Variants in NELL1 observed in about 807,000 individuals in gnomAD.
NELL1 encodes the protein neural EGFL like 1.
Under a neutral mutation model 107.4 loss-of-function variants are expected in NELL1, and 76 were observed. The ratio of observed to expected loss-of-function variants is 0.71; its 90% CI spans 0.59 to 0.86. NELL1 has a LOEUF of 0.86. NELL1 is among the 40% of genes least tolerant of loss of function. NELL1 has a pLI of 0.00. For synonymous variants in NELL1, 353 were observed against 341.2 expected, an observed-to-expected ratio of 1.03 and a Z score of -0.38; for missense variants, 1,024 against 1,005.5, an observed-to-expected ratio of 1.02 and a Z score of -0.25.
intron 15 of NELL1, among the ~76,000 whole-genome samples, chr11:21,447,492 T>A (rs1336853595): frequency 6.6e-6 from 1 of 152,130 alleles, no homozygotes; most frequent in Non-Finnish European, 1.5e-5. Context: ...CAGCAGGTGA[T>A]GAATAATGCC....
intron 12 of NELL1, among the ~76,000 whole-genome samples, chr11:21,044,461 A>T (rs572853730): frequency 6.6e-6 from 1 of 152,282 alleles, no homozygotes; most frequent in South Asian, 2.1e-4. Context: ...AGAAAAATGG[A>T]TCAGAAAGGG....
At chr11:21,532,208 G>C (rs1229282425) in intron 15 of NELL1, among the ~76,000 whole-genome samples, 1 of 152,120 alleles carries the variant, frequency 6.6e-6, no homozygotes, top group Non-Finnish European at 1.5e-5. Context: ...GGATTCCCTA[G>C]TGTCCCTGGG....
intron 2 of NELL1, among the ~76,000 whole-genome samples, chr11:20,737,809 A>G (rs1475860768): frequency 6.6e-6 from 1 of 151,970 alleles, no homozygotes; most frequent in East Asian, 1.9e-4. Flanking sequence ...TAAATATTCC[A>G]AGTACAAAAA....
chr11:21,502,258 G>T (rs1855162550), intron 15 of NELL1, among the ~76,000 whole-genome samples: 1 of 152,186 alleles, frequency 6.6e-6, no homozygotes, highest in Non-Finnish European at 1.5e-5. Context: ...AGAGACTTCT[G>T]TTGAGTGCCT....
chr11:21,345,197 A>G (rs1463580216), intron 14 of NELL1, among the ~76,000 whole-genome samples: 2 of 152,164 alleles, frequency 1.3e-5, no homozygotes, highest in African/African-American at 2.4e-5. Flanking sequence ...CTCTTCTGCA[A>G]AGGAAGATTT....
chr11:20,952,956 C>A (rs1056456637), intron 11 of NELL1, among the ~76,000 whole-genome samples: 9 of 152,152 alleles, frequency 5.9e-5, no homozygotes, highest in African/African-American at 2.2e-4. Flanking sequence ...TACCTTCTGT[C>A]CACAAAAGCT....
At chr11:21,105,854 T>C (rs1259154916) in intron 12 of NELL1, among the ~76,000 whole-genome samples, 1 of 30,586 alleles carries the variant, frequency 3.3e-5, no homozygotes. Context: ...CCCTTCCCTC[T>C]CTCCCCTCCC....
At chr11:21,380,066 C>T (rs1590883963) in intron 15 of NELL1, among the ~76,000 whole-genome samples, 1 of 152,190 alleles carries the variant, frequency 6.6e-6, no homozygotes, top group Non-Finnish European at 1.5e-5. Context: ...TGCAAAAGTA[C>T]ATCTTTACAT....
At chr11:20,823,970 A>C (rs191722111) in intron 3 of NELL1, among the ~76,000 whole-genome samples, 1 of 151,448 alleles carries the variant, frequency 6.6e-6, no homozygotes, top group Non-Finnish European at 1.5e-5. Flanking sequence ...AGCAGTTTGA[A>C]TGTGGGTAGT....
intron 14 of NELL1, among the ~76,000 whole-genome samples, chr11:21,347,724 G>T (rs1850716189): frequency 6.6e-6 from 1 of 152,082 alleles, no homozygotes; most frequent in African/African-American, 2.4e-5. Context: ...ATTAAACACT[G>T]AGTCATTATT....
At chr11:21,166,380 A>G (rs1444163932) in intron 13 of NELL1, among the ~76,000 whole-genome samples, 1 of 151,926 alleles carries the variant, frequency 6.6e-6, no homozygotes, top group Non-Finnish European at 1.5e-5. Flanking sequence ...TTTAAAAATC[A>G]CTTTTAAAAA....
At chr11:20,812,046 T>G (rs1379111062) in intron 3 of NELL1, among the ~76,000 whole-genome samples, 1 of 152,224 alleles carries the variant, frequency 6.6e-6, no homozygotes, top group Non-Finnish European at 1.5e-5. Context: ...CTGCTTTTCC[T>G]CATTGTGTAT....
intron 10 of NELL1, among the ~76,000 whole-genome samples, chr11:20,940,928 C>T (rs1018562163): frequency 2.0e-5 from 3 of 152,228 alleles, no homozygotes; most frequent in Middle Eastern, 3.4e-3. Flanking sequence ...CATCTGAGGT[C>T]AGGAGTTCAA....
intron 12 of NELL1, among the ~76,000 whole-genome samples, chr11:21,024,831 C>T (rs368528282): frequency 6.6e-6 from 1 of 152,082 alleles, no homozygotes; most frequent in African/African-American, 2.4e-5. Context: ...TGGTTCATTG[C>T]ATGAAAAAGA....
Position 21,534,495 on chromosome 11 carries a change from G to A in NELL1, c.1767G>A (p.Leu589=). 1 of 1,613,794 alleles carries A rather than the reference G, an allele frequency of 6.2e-7. No homozygotes were observed. The change falls in exon 16 of 20, where the codon CTG becomes CTA. Residue 589 remains leucine, a synonymous_variant. Transcript: ENST00000357134. ...TCCATGACGATGGGACCTATTCACT[G>A]TCCGGGGAGTCCTGTATTGGTAAGC... ...SGFHDDGTYS[L]SGESCIDIDE...
intron 12 of NELL1, among the ~76,000 whole-genome samples, chr11:21,111,469 C>A (rs753888437): frequency 1.3e-5 from 2 of 152,088 alleles, no homozygotes; most frequent in Non-Finnish European, 2.9e-5. Context: ...TAGTCATTCT[C>A]TGCACCAATC....
intron 15 of NELL1, among the ~76,000 whole-genome samples, chr11:21,497,742 A>T (rs763701640): frequency 2.8e-4 from 42 of 152,094 alleles, no homozygotes; most frequent in Non-Finnish European, 5.6e-4. Flanking sequence ...ATTTAGATCT[A>T]TCCAGTTCTG....
In NELL1 at chr11:20,823,505, T is replaced by G. The variant is rs950741921; in HGVS notation, c.336-24078T>G. ...GAGGGTCACATGGAAACATTGAGTCTTTTTCCACACATGCAGCCAAATCCC... is the reference window on the plus strand; with the variant it reads ...GAGGGTCACATGGAAACATTGAGTCGTTTTCCACACATGCAGCCAAATCCC... On this transcript the variant is annotated intron_variant, in intron 3 of 19. Coordinates refer to ENST00000357134, the MANE Select transcript of NELL1 (RefSeq NM_006157.5). Among the ~76,000 whole-genome samples, 8 of 151,200 alleles carry G rather than the reference T, an allele frequency of 5.3e-5. 2 individuals carry two copies. Among genetic ancestry groups the G allele is most frequent in the Admixed American group, 1.3e-4 (2 of 15,032 alleles).
chr11:21,072,235 A>C (rs1236387032), intron 12 of NELL1, among the ~76,000 whole-genome samples: 1 of 152,174 alleles, frequency 6.6e-6, no homozygotes, highest in Non-Finnish European at 1.5e-5. Context: ...CAAAGCAATA[A>C]ATGTGGGTAT....
Sources: gnomAD v4.1 joint callset for allele counts (sites outside exome capture counted in the v4.1 genomes callset) on GRCh38, gnomAD v4.1.1 for gene constraint, MANE v1.5 for transcripts, NCBI Gene and HGNC (gene_info 2026-07-23, HGNC 2026-07-21) for gene names.